The following PLEKHA5 variants were observed in gnomAD, a reference collection of about 807,000 sequenced individuals.
PLEKHA5 encodes pleckstrin homology domain-containing family A member 5.
In PLEKHA5, 55 loss-of-function variants were observed where a neutral mutation model predicts 181.9. The observed-to-expected ratio is 0.30, with a 90% confidence interval of 0.24 to 0.38. PLEKHA5 has a LOEUF of 0.38. Ranked by LOEUF, PLEKHA5 falls within the 10% of genes least tolerant of loss-of-function variation. PLEKHA5 has a pLI of 1.00. For synonymous variants in PLEKHA5, 535 were observed against 529.4 expected, an observed-to-expected ratio of 1.01 and a Z score of -0.15; for missense variants, 1,432 against 1,549.5, an observed-to-expected ratio of 0.92 and a Z score of 1.27.
At chr12:19,149,538 A>C (rs940640674) in intron 3 of PLEKHA5, 1 of 152,162 alleles carries the variant, frequency 6.6e-6, no homozygotes. Flanking sequence ...AGAAAAAAAA[A>C]CTCAGTGGCT....
intron 8 of PLEKHA5, among the ~76,000 whole-genome samples, chr12:19,268,336 G>C (rs2071271729): frequency 6.6e-6 from 1 of 152,080 alleles, no homozygotes. Context: ...TATGCTATTT[G>C]TAGGACTTTT....
chr12:19,254,279 G>T lies in PLEKHA5; in HGVS notation c.311+256G>T, dbSNP rs75330622. 2.5e-4 allele frequency among the ~76,000 whole-genome samples: 38 copies of T among 152,232 alleles called. No individual in the cohort carries two copies. In the East Asian group the frequency reaches 7.1e-3, roughly 29 times the overall value. On this transcript the variant is annotated intron_variant, in intron 4 of 31. Coordinates refer to ENST00000429027, the MANE Select transcript of PLEKHA5 (RefSeq NM_001256470.2). ...CAAGAACCCGGGATGCAAGCTTAGAGAAACTGTGTAAATGGTTAGATTATT... is the reference window on the plus strand; with the variant it reads ...CAAGAACCCGGGATGCAAGCTTAGATAAACTGTGTAAATGGTTAGATTATT...
At chr12:19,364,701 G>A (rs548412026) in intron 29 of PLEKHA5, among the ~76,000 whole-genome samples, 99 of 150,844 alleles carry the variant, frequency 6.6e-4, no homozygotes, top group African/African-American at 2.2e-3. Flanking sequence ...TCACTCTGTC[G>A]CCCAGGCTGG....
At position 19,325,405 on chromosome 12, in the gene PLEKHA5, G is replaced by A. The variant is rs2452180; in HGVS notation, c.2448+2738G>A. Reference sequence around the variant, plus strand: ...CTCTAAAACAAAATCGTTAATAATAGAAGGCCAGGCATGGTGGCTCACGCC... The same window carrying A: ...CTCTAAAACAAAATCGTTAATAATAAAAGGCCAGGCATGGTGGCTCACGCC... On this transcript the variant is annotated intron_variant, in intron 20 of 31. Transcript: ENST00000429027. Among the ~76,000 whole-genome samples, 733 of 151,404 alleles carry A rather than the reference G, an allele frequency of 4.8e-3. 8 individuals carry two copies. Among genetic ancestry groups the A allele is most frequent in the African/African-American group, 0.017 (702 of 41,302 alleles).
At chr12:19,281,198 G>A (rs12816101) in intron 11 of PLEKHA5, among the ~76,000 whole-genome samples, 7,891 of 150,406 alleles carry the variant, frequency 0.052, 283 homozygotes, top group Middle Eastern at 0.1. Flanking sequence ...CTGCACTCCA[G>A]CCTGGGTGAC....
intron 20 of PLEKHA5, among the ~76,000 whole-genome samples, chr12:19,329,671 A>G (rs947548943): frequency 2.0e-5 from 3 of 152,110 alleles, no homozygotes; most frequent in Non-Finnish European, 4.4e-5. Context: ...TGTGGGATCC[A>G]TTGTAATGTC....
At chr12:19,153,270 A>G (rs1193085328) in intron 3 of PLEKHA5, 1 of 152,134 alleles carries the variant, frequency 6.6e-6, no homozygotes, top group Admixed American at 6.5e-5. Flanking sequence ...AATTTTATCA[A>G]CTATTTGTTC....
At chr12:19,250,696 TA>T (rs1474519135) in intron 3 of PLEKHA5, among the ~76,000 whole-genome samples, 1 of 152,266 alleles carries the variant, frequency 6.6e-6, no homozygotes, top group Non-Finnish European at 1.5e-5. Flanking sequence ...TCTCGGTTTT[TA>T]TTAAGCATAA....
chr12:19,358,033 A>G (rs2095045976), intron 26 of PLEKHA5, among the ~76,000 whole-genome samples, 195 bp from the exon 27 acceptor site: 1 of 152,056 alleles, frequency 6.6e-6, no homozygotes. Context: ...GTTATTGAGC[A>G]TACATCACCA....
At position 19,130,038 on chromosome 12, in the gene PLEKHA5, C is replaced by G. The variant is rs1049236151; in HGVS notation, c.90-13C>G. 1.3e-6 allele frequency: 2 copies of G among 1,577,060 alleles called. No individual in the cohort carries two copies. The highest frequency in any genetic ancestry group is 2.7e-5 in the African/African-American group (2 of 73,214). On this transcript the variant is annotated splice_polypyrimidine_tract_variant and intron_variant, in intron 1 of 31. Transcript: ENST00000429027. The surrounding 1 kb of genome is among the most constrained non-coding windows in gnomAD (Gnocchi z 4.5). ...CTCACGCTCCGTGTCTGCCCCTTCT[C>G]TCACCCCTGCAGCGAGGAGGCCAAG...
chr12:19,337,275 G>A (rs1022243186), intron 21 of PLEKHA5, among the ~76,000 whole-genome samples: 7 of 151,842 alleles, frequency 4.6e-5, no homozygotes, highest in Admixed American at 2.0e-4. Context: ...ATACTTGGCC[G>A]GGCATAGTGG....
intron 2 of PLEKHA5, 49 bp from the exon 3 acceptor site, chr12:19,132,344 T>C: frequency 1.1e-6 from 1 of 888,084 alleles, no homozygotes; most frequent in South Asian, 1.4e-5. Context: ...TTGAGACTTA[T>C]TTTGCTATCA....
At chr12:19,363,569 G>A (rs375767695) in intron 29 of PLEKHA5, among the ~76,000 whole-genome samples, 3 of 151,480 alleles carry the variant, frequency 2.0e-5, no homozygotes, top group South Asian at 2.1e-4. Context: ...TAGGCACACT[G>A]CAACCTCCAC....
chr12:19,182,279 A>G (rs537013062), intron 3 of PLEKHA5, among the ~76,000 whole-genome samples: 1 of 152,252 alleles, frequency 6.6e-6, no homozygotes, highest in Non-Finnish European at 1.5e-5. Context: ...TTTCGCATCC[A>G]AGCGATTTCT....
chr12:19,175,295 G>C (rs74064416), intron 3 of PLEKHA5, among the ~76,000 whole-genome samples: 1,707 of 152,266 alleles, frequency 0.011, 31 homozygotes, highest in African/African-American at 0.039. Flanking sequence ...TTGATATTGA[G>C]TTGAACTTGC....
At chr12:19,342,698 G>A (rs1054194782) in intron 21 of PLEKHA5, among the ~76,000 whole-genome samples, 2 of 151,940 alleles carry the variant, frequency 1.3e-5, no homozygotes, top group Non-Finnish European at 1.5e-5. Flanking sequence ...AATCACTTGC[G>A]CCCAGGAGGC....
At chr12:19,314,927 A>C (rs2088000615) in intron 16 of PLEKHA5, 33 bp downstream of exon 16, 7 of 1,089,120 alleles carry the variant, frequency 6.4e-6, no homozygotes, top group Non-Finnish European at 6.9e-6. Context: ...ATACTGCTTT[A>C]TCATCTGCAA....
At chr12:19,298,408 C>CTTTTTTTTTTTTTT (rs533661916) in intron 15 of PLEKHA5, among the ~76,000 whole-genome samples, 15 of 106,318 alleles carry the variant, frequency 1.4e-4, no homozygotes, top group South Asian at 3.4e-4. Context: ...ATTTTTTTAG[C>CTTTTTTTTTTTTTT]TTTTTTTTTT....
Position 19,269,672 on chromosome 12 carries a change from A to T in PLEKHA5, c.712-98A>T. 3 of 577,874 alleles carry T rather than the reference A, an allele frequency of 5.2e-6. No individual in the cohort carries two copies. In the East Asian group the frequency reaches 8.7e-5, roughly 17 times the overall value. The allele number at this position is 577,874 out of a possible 1,614,324, so 35.8% of individuals were successfully genotyped here. The stretch of plus-strand genomic sequence containing the variant: ...ATAAGTCTACTTTCTCTGAAATTTG[A>T]TAGCAACGTTCTATGTCAGGAATCA... On this transcript the variant is annotated intron_variant, in intron 8 of 31. Coordinates refer to ENST00000429027, the MANE Select transcript of PLEKHA5 (RefSeq NM_001256470.2).
Sources: allele counts gnomAD v4.1 joint callset (sites outside exome capture counted in the v4.1 genomes callset), GRCh38; gene constraint gnomAD v4.1.1; non-coding constraint Gnocchi (gnomAD v3.1); transcripts MANE v1.5; gene names NCBI Gene and HGNC (gene_info 2026-07-23, HGNC 2026-07-21).